TTK: variants seen among roughly 807,000 people sequenced by gnomAD.
TTK encodes the protein dual specificity protein kinase TTK.
Under a neutral mutation model 117.3 loss-of-function variants are expected in TTK, and 59 were observed. That is an observed-to-expected ratio of 0.50 (90% CI 0.41 to 0.62). The LOEUF (loss-of-function observed/expected upper bound fraction) is 0.62. Ranked by LOEUF, TTK falls within the 20% of genes least tolerant of loss-of-function variation. TTK has a pLI of 0.00. For missense variants in TTK, 921 were observed against 989.4 expected (o/e 0.93, Z 0.93); for synonymous variants, 302 against 325.0 (o/e 0.93, Z 0.76).
intron 14 of TTK, among the ~76,000 whole-genome samples, chr6:80,033,982 GCATTT>G (rs1469199179): frequency 6.6e-6 from 1 of 152,002 alleles, no homozygotes; most frequent in Non-Finnish European, 1.5e-5. Flanking sequence ...AGTCTTAATG[GCATTT>G]TAACATTTTT....
intron 8 of TTK, among the ~76,000 whole-genome samples, chr6:80,012,845 A>T (rs1314374311): frequency 6.6e-6 from 1 of 152,088 alleles, no homozygotes; most frequent in Non-Finnish European, 1.5e-5. Flanking sequence ...CGCTCCAAAA[A>T]ATTAAAAACA....
rs193100457 is a variant in TTK, at chr6:80,022,454, C to G, written c.1239C>G (p.Ala413=). 3.1e-6 allele frequency: 5 copies of G among 1,613,468 alleles called. No individual in the cohort carries two copies. Among genetic ancestry groups the G allele is most frequent in the Non-Finnish European group, 4.2e-6 (5 of 1,179,818 alleles). Residue 413 remains alanine, a synonymous_variant, in exon 11 of 22, where the codon GCC becomes GCG. Coordinates refer to ENST00000369798, the MANE Select transcript of TTK (RefSeq NM_003318.5). The part of the protein sequence containing the change: ...SSNHWQIPEL[A]RKVNTEQKHT... ...ATCACTGGCAGATTCCGGAGTTAGC[C>G]CGAAAAGTTAATACAGAGGTAACTT...
chr6:80,015,714 T>G (rs935843062), intron 10 of TTK, among the ~76,000 whole-genome samples: 5 of 152,218 alleles, frequency 3.3e-5, no homozygotes, highest in African/African-American at 1.2e-4. Context: ...TTGTTAATAG[T>G]ACTCTCAATA....
intron 8 of TTK, among the ~76,000 whole-genome samples, 170 bp from the exon 9 acceptor site, chr6:80,013,109 T>C (rs987411974): frequency 6.6e-6 from 1 of 152,116 alleles, no homozygotes; most frequent in East Asian, 1.9e-4. Flanking sequence ...TTTTGTTAGC[T>C]AAGTCACTTT....
chr6:80,037,670 G>T, intron 17 of TTK: 1 of 165,678 alleles, frequency 6.0e-6, no homozygotes, highest in South Asian at 1.9e-4. Context: ...CATAGAAAAA[G>T]CACAGCATTC....
chr6:80,020,282 A>G (rs117710344), intron 10 of TTK, among the ~76,000 whole-genome samples: 5,061 of 152,324 alleles, frequency 0.033, 134 homozygotes, highest in Non-Finnish European at 0.047. Flanking sequence ...AAAAGTCTCT[A>G]TGGCAATTTC....
In TTK at chr6:80,011,424, A is replaced by C; in HGVS notation, c.614-10A>C. ...TTATAAATTTAATCATAGTTTCAAA[A>C]TTTTTACAGCATCTACGGTATTAAC... On this transcript the variant is annotated splice_polypyrimidine_tract_variant and intron_variant, in intron 5 of 21. Coordinates refer to ENST00000369798, the MANE Select transcript of TTK (RefSeq NM_003318.5). 1 of 1,543,168 alleles carries C rather than the reference A, an allele frequency of 6.5e-7. No individual in the cohort carries two copies. The highest frequency in any genetic ancestry group is 1.4e-5 in the African/African-American group (1 of 71,634).
rs922357788 is a variant in TTK at position 80,035,015 on chromosome 6, A to T, written c.1645A>T (p.Ile549Leu). The change falls in exon 15 of 22, where the codon ATA becomes TTA. Residue 549 changes from isoleucine to leucine, a missense_variant. By Grantham distance (5) the Ile-to-Leu change is conservative. Coordinates refer to ENST00000369798, the MANE Select transcript of TTK (RefSeq NM_003318.5). The part of the protein sequence containing the change: ...VFQVLNEKKQ[I>L]YAIKYVNLEE... ...TCAGGTGTTAAATGAAAAGAAACAG[A>T]TATATGCTATAAAATATGTGAACTT... The T allele has an allele frequency of 3.1e-6, 5 of 1,589,112 alleles. No individual in the cohort carries two copies. The African/African-American group carries it at 6.8e-5, about 22-fold the overall frequency.
chr6:80,008,002 A>G lies in TTK; in HGVS notation c.333A>G (p.Arg111=). ...DKYGQNESFA[R]IQVRFAELKA... is the part of the protein sequence containing the mutation. ...ATGGCCAAAATGAGAGTTTTGCTAG[A>G]ATTCAAGTGAGATTTGCTGAATTAA... The change falls in exon 3 of 22, where the codon AGA becomes AGG. Residue 111 remains arginine (R), a synonymous_variant. Coordinates refer to ENST00000369798, the MANE Select transcript of TTK (RefSeq NM_003318.5). The G allele has an allele frequency of 6.2e-7, 1 of 1,613,496 alleles. No homozygotes were observed. The highest frequency in any genetic ancestry group is 8.5e-7 in the Non-Finnish European group (1 of 1,179,562).
At chr6:80,013,125 T>G (rs1767204411) in intron 8 of TTK, among the ~76,000 whole-genome samples, 154 bp from the exon 9 acceptor site, 1 of 152,096 alleles carries the variant, frequency 6.6e-6, no homozygotes, top group African/African-American at 2.4e-5. Flanking sequence ...ACTTTTGTAT[T>G]GGAATTATGT....
Position 80,011,505 on chromosome 6 carries a change from T to C in TTK, c.685T>C (p.Cys229Arg), listed in dbSNP as rs1767153319. 1 of 1,610,310 alleles carries C rather than the reference T, an allele frequency of 6.2e-7. No individual in the cohort carries two copies. Among genetic ancestry groups the C allele is most frequent in the Non-Finnish European group, 8.5e-7 (1 of 1,178,462 alleles). The change falls in exon 6 of 22, where the codon TGT becomes CGT. Residue 229 changes from cysteine to arginine, a missense_variant. Transcript: ENST00000369798. ...LGHLQNRNNS[C>R]DSRGQTTKAR... ...GCATTTACAGAATAGGAACAACAGT[T>C]GTGATTCCAGAGGACAGACTACTAA...
At chr6:80,017,292 T>C (rs1767333945) in intron 10 of TTK, among the ~76,000 whole-genome samples, 2 of 152,324 alleles carry the variant, frequency 1.3e-5, no homozygotes, top group South Asian at 4.1e-4. Context: ...CTTTTTCTTT[T>C]TTTGAGACAG....
At chr6:80,025,386 C>T (rs1767578962) in intron 11 of TTK, among the ~76,000 whole-genome samples, 1 of 152,164 alleles carries the variant, frequency 6.6e-6, no homozygotes, top group Non-Finnish European at 1.5e-5. Flanking sequence ...TTGTAATTCT[C>T]AAGTGCGTAA....
intron 10 of TTK, among the ~76,000 whole-genome samples, chr6:80,020,422 A>G (rs1767428059): frequency 6.6e-6 from 1 of 152,256 alleles, no homozygotes; most frequent in Non-Finnish European, 1.5e-5. Flanking sequence ...TCTCCAAGTG[A>G]GATAAAACAG....
rs745465923 is a variant in TTK, at chr6:80,010,854, A to G, written c.510A>G (p.Val170=). 9 of 1,612,218 alleles carry G rather than the reference A, an allele frequency of 5.6e-6. 1 individual carries two copies. The highest frequency in any genetic ancestry group is 3.3e-4 in the Middle Eastern group (2 of 6,048). ...GTAAACAACTTCTTCAAAAAGCTGT[A>G]GAACGTGGAGCAGTACCACTAGAAA... ...KKSKQLLQKA[V]ERGAVPLEML... The change falls in exon 5 of 22, where the codon GTA becomes GTG. Residue 170 remains valine, a synonymous_variant. Coordinates refer to ENST00000369798, the MANE Select transcript of TTK (RefSeq NM_003318.5).
At chr6:80,008,927 A>C (rs1304672306) in intron 4 of TTK, among the ~76,000 whole-genome samples, 1 of 61,328 alleles carries the variant, frequency 1.6e-5, no homozygotes, top group East Asian at 7.2e-4. Flanking sequence ...TAAACTATAT[A>C]TCTGTGTGTG....
At position 80,042,115 on chromosome 6, in the gene TTK, T is replaced by C; in HGVS notation, c.2491-4T>C. 1 of 1,544,850 alleles carries C rather than the reference T, an allele frequency of 6.5e-7. No individual in the cohort carries two copies. The highest frequency in any genetic ancestry group is 8.7e-7 in the Non-Finnish European group (1 of 1,143,288). The stretch of plus-strand genomic sequence containing the variant: ...CAAAACAGATTTGTGTTTTTTAATT[T>C]CAGACTTTATATGAACACTATAGTG... On this transcript the variant is annotated splice_polypyrimidine_tract_variant and splice_region_variant and intron_variant, in intron 21 of 21. Transcript: ENST00000369798.
At chr6:80,028,156 A>G (rs1291033418) in intron 13 of TTK, 145 bp downstream of exon 13, 2 of 865,656 alleles carry the variant, frequency 2.3e-6, no homozygotes, top group African/African-American at 1.8e-5. Context: ...TGATATTCTA[A>G]TAAGAGTGTG....
At chr6:80,005,047 T>C (rs1453384903) in intron 1 of TTK, 1 of 152,160 alleles carries the variant, frequency 6.6e-6, no homozygotes, top group East Asian at 1.9e-4. Flanking sequence ...AAGAAGCGGG[T>C]GGCCGTGATC....
Sources: allele counts gnomAD v4.1 joint callset (sites outside exome capture counted in the v4.1 genomes callset), GRCh38; gene constraint gnomAD v4.1.1; transcripts MANE v1.5; gene names NCBI Gene and HGNC (gene_info 2026-07-23, HGNC 2026-07-21).